Variants in ITGA8 observed in about 807,000 individuals in gnomAD.
The protein encoded by ITGA8 is integrin subunit alpha 8.
ITGA8 carries 91 observed loss-of-function variants against 142.3 expected under a neutral mutation model. The observed-to-expected ratio is 0.64, with a 90% CI of 0.54 to 0.76. The LOEUF (loss-of-function observed/expected upper bound fraction) is 0.76. ITGA8 is among the 30% of genes least tolerant of loss of function. The probability of loss-of-function intolerance (pLI) is 0.00; values close to 1 mark genes in which losing one functional copy is unlikely to be tolerated. For synonymous variants in ITGA8, 505 were observed against 485.2 expected (o/e 1.04, Z -0.54); for missense variants, 1,406 against 1,327.7 (o/e 1.06, Z -0.92).
Position 15,644,126 on chromosome 10 carries a change from G to C in ITGA8, c.1303C>G (p.Gln435Glu), listed in dbSNP as rs764159659. 1.9e-6 allele frequency: 3 copies of C among 1,614,032 alleles called. No homozygotes were observed. The highest frequency in any genetic ancestry group is 2.5e-6 in the Non-Finnish European group (3 of 1,180,012). ...GAGGCCCACACTCCTTGCAGAACTT[G>C]GGAAGGCTTGGTGTTTAAGCCATCT... ...NKDGLNTKPS[Q>E]VLQGVWASHA... Residue 435 changes from glutamine (Q) to glutamate (E), a missense_variant, in exon 13 of 30, where the codon CAA becomes GAA. Gln to Glu is a conservative substitution (Grantham distance 29). Coordinates refer to ENST00000378076, the MANE Select transcript of ITGA8 (RefSeq NM_003638.3).
rs117347975 is a variant in ITGA8 at position 15,614,024 on chromosome 10, C to T, written c.1446-257G>A. Among the ~76,000 whole-genome samples the T allele has an allele frequency of 4.4e-3, 664 of 152,250 alleles. 3 individuals carry two copies. Among genetic ancestry groups the T allele is most frequent in the Non-Finnish European group, 7.7e-3 (525 of 68,000 alleles). Reference sequence around the variant, plus strand: ...GCTGTGGGTCTGTCAAGCAAAGTTGCGTACACAACCTAATTTCATTATGAA... The same window carrying T: ...GCTGTGGGTCTGTCAAGCAAAGTTGTGTACACAACCTAATTTCATTATGAA... On this transcript the variant is annotated intron_variant, in intron 14 of 29. Coordinates refer to ENST00000378076, the MANE Select transcript of ITGA8 (RefSeq NM_003638.3).
chr10:15,627,520 G>T (rs1247055281), intron 13 of ITGA8, among the ~76,000 whole-genome samples: 1 of 152,148 alleles, frequency 6.6e-6, no homozygotes, highest in Non-Finnish European at 1.5e-5. Context: ...ATCTAAAAGG[G>T]TTGGCATATA....
chr10:15,561,218 T>C (rs1833968781), intron 25 of ITGA8, among the ~76,000 whole-genome samples: 1 of 104,624 alleles, frequency 9.6e-6, no homozygotes, highest in African/African-American at 3.8e-5. Flanking sequence ...GCTATATATA[T>C]ATATATATAT....
chr10:15,643,879 G>C, intron 13 of ITGA8, 151 bp downstream of exon 13: 2 of 587,966 alleles, frequency 3.4e-6, no homozygotes, highest in East Asian at 5.6e-5. Flanking sequence ...CATGAAAGTC[G>C]CTCTGGAATC....
At chr10:15,531,874 G>C (rs886650449) in intron 27 of ITGA8, among the ~76,000 whole-genome samples, 6 of 152,210 alleles carry the variant, frequency 3.9e-5, no homozygotes, top group African/African-American at 1.2e-4. Flanking sequence ...GAACCTGGGG[G>C]GCGCAGGTTG....
At chr10:15,633,406 T>C (rs375295875) in intron 13 of ITGA8, among the ~76,000 whole-genome samples, 2 of 152,258 alleles carry the variant, frequency 1.3e-5, no homozygotes, top group African/African-American at 4.8e-5. Flanking sequence ...CAGTCAACAT[T>C]AATTATTTTA....
chr10:15,535,258 C>T (rs1035016910), intron 27 of ITGA8, among the ~76,000 whole-genome samples: 6 of 152,136 alleles, frequency 3.9e-5, no homozygotes, highest in South Asian at 2.1e-4. Flanking sequence ...GCCTCCCTGA[C>T]GCGCACCGCC....
At chr10:15,610,861 C>T (rs1268770997) in intron 15 of ITGA8, among the ~76,000 whole-genome samples, 2 of 152,182 alleles carry the variant, frequency 1.3e-5, no homozygotes, top group African/African-American at 2.4e-5. Flanking sequence ...GGTCGTTACT[C>T]ACTTTTACAT....
chr10:15,654,102 C>T (rs1834139858), intron 11 of ITGA8, among the ~76,000 whole-genome samples: 1 of 152,200 alleles, frequency 6.6e-6, no homozygotes, highest in South Asian at 2.1e-4. Context: ...TCCCAAAGTG[C>T]TGGGATTACA....
chr10:15,702,030 T>C (rs768032776), intron 2 of ITGA8, among the ~76,000 whole-genome samples: 1 of 152,188 alleles, frequency 6.6e-6, no homozygotes, highest in Non-Finnish European at 1.5e-5. Flanking sequence ...AGGACCTGGA[T>C]TGATTTTTAT....
At chr10:15,541,877 C>G (rs917173183) in intron 27 of ITGA8, among the ~76,000 whole-genome samples, 3 of 151,638 alleles carry the variant, frequency 2.0e-5, no homozygotes, top group Non-Finnish European at 4.4e-5. Context: ...CAAAAGTTTA[C>G]TTGCATGGTT....
intron 27 of ITGA8, among the ~76,000 whole-genome samples, chr10:15,547,242 A>C (rs1179020975): frequency 1.3e-5 from 2 of 152,188 alleles, no homozygotes; most frequent in Non-Finnish European, 2.9e-5. Context: ...TGAAACTCTC[A>C]TTTTCTTAGC....
At chr10:15,527,830 A>G (rs144974835) in intron 28 of ITGA8, among the ~76,000 whole-genome samples, 1 of 149,658 alleles carries the variant, frequency 6.7e-6, no homozygotes, top group East Asian at 2.0e-4. Flanking sequence ...TCAGGGGCAG[A>G]TTAGAGCTCT....
At chr10:15,616,652 C>A in intron 13 of ITGA8, 93 bp from the exon 14 acceptor site, 1 of 1,012,640 alleles carries the variant, frequency 9.9e-7, no homozygotes, top group South Asian at 1.3e-5. Flanking sequence ...AATACCCCTA[C>A]ATGCTGATGG....
chr10:15,633,700 A>T (rs1833722338), intron 13 of ITGA8, among the ~76,000 whole-genome samples: 1 of 152,162 alleles, frequency 6.6e-6, no homozygotes, highest in South Asian at 2.1e-4. Context: ...GATTACAGGC[A>T]CGAGCCACCA....
In ITGA8 at chr10:15,608,296, GA is replaced by G; in HGVS notation, c.1554-7del. ...CACATACTCTTAAAGAAAAGCTATA[GA>G]AAATAGTAGTAATTTATTGGTTAAT... is the stretch of plus-strand genomic sequence containing the variant. On this transcript the variant is annotated splice_region_variant and splice_polypyrimidine_tract_variant and intron_variant, in intron 15 of 29. Transcript: ENST00000378076. The G allele has an allele frequency of 6.4e-7, 1 of 1,570,456 alleles. No individual in the cohort carries two copies. Among genetic ancestry groups the G allele is most frequent in the Non-Finnish European group, 8.7e-7 (1 of 1,154,500 alleles).
At chr10:15,518,556 A>T (rs1400842860) in intron 29 of ITGA8, among the ~76,000 whole-genome samples, 1 of 152,260 alleles carries the variant, frequency 6.6e-6, no homozygotes, top group Non-Finnish European at 1.5e-5. Context: ...TTTTAGGGAA[A>T]ACCACATAGT....
At chr10:15,606,519 A>G in intron 17 of ITGA8, 97 bp from the exon 18 acceptor site, 2 of 1,182,618 alleles carry the variant, frequency 1.7e-6, no homozygotes, top group Non-Finnish European at 2.4e-6. Flanking sequence ...TACTCAATGA[A>G]AGTGAATGAT....
intron 13 of ITGA8, among the ~76,000 whole-genome samples, chr10:15,638,230 G>A (rs1273503438): frequency 6.6e-6 from 1 of 152,060 alleles, no homozygotes; most frequent in Non-Finnish European, 1.5e-5. Flanking sequence ...CTGTGTTTTC[G>A]GTTATTTGAG....
Sources: gnomAD v4.1 joint callset for allele counts (sites outside exome capture counted in the v4.1 genomes callset) on GRCh38, gnomAD v4.1.1 for gene constraint, MANE v1.5 for transcripts, NCBI Gene and HGNC (gene_info 2026-07-23, HGNC 2026-07-21) for gene names.